PCDHGA4: variants seen among roughly 807,000 people sequenced by gnomAD.
The protein encoded by PCDHGA4 is protocadherin gamma subfamily A, 4.
A neutral mutation model predicts 54.6 loss-of-function variants in PCDHGA4; 38 were observed. The observed-to-expected ratio is 0.70, with a 90% CI of 0.54 to 0.91. The LOEUF (loss-of-function observed/expected upper bound fraction) is 0.91, where lower values mean the gene tolerates loss of function less well. Ranked by LOEUF, PCDHGA4 falls within the 40% of genes least tolerant of loss-of-function variation. The pLI, the probability that PCDHGA4 is intolerant of heterozygous loss-of-function variation, is 0.00. For synonymous variants in PCDHGA4, 511 were observed against 512.9 expected, an observed-to-expected ratio of 1.00 and a Z score of 0.05; for missense variants, 1,298 against 1,220.9, an observed-to-expected ratio of 1.06 and a Z score of -0.94.
intron 1 of PCDHGA4, chr5:141,420,193 A>G: frequency 6.2e-7 from 1 of 1,613,766 alleles, no homozygotes; most frequent in South Asian, 1.1e-5. Context: ...CAGCCACACA[A>G]GATAACCTCA....
intron 1 of PCDHGA4, chr5:141,404,380 C>T (rs777340976): frequency 1.9e-6 from 3 of 1,613,916 alleles, no homozygotes; most frequent in Non-Finnish European, 2.5e-6. Context: ...CCGTGATTGC[C>T]TATGACCCTG....
intron 1 of PCDHGA4, chr5:141,398,815 A>G (rs1369560562): frequency 6.2e-7 from 1 of 1,613,870 alleles, no homozygotes; most frequent in East Asian, 2.2e-5. Context: ...TGAGCTCCGG[A>G]TCCAGGTAAC....
chr5:141,372,087 C>G, intron 1 of PCDHGA4: 2 of 1,613,740 alleles, frequency 1.2e-6, no homozygotes, highest in Non-Finnish European at 1.7e-6. Flanking sequence ...GGTGCTGTAC[C>G]CAGCTCTGGG....
Position 141,511,381 on chromosome 5 carries a change from G to C in PCDHGA4, c.*208G>C. 8.5e-7 allele frequency: 1 copy of C among 1,170,380 alleles called. No individual in the cohort carries two copies. Among genetic ancestry groups the C allele is most frequent in the Non-Finnish European group, 1.2e-6 (1 of 854,768 alleles). 72.5% of individuals were successfully genotyped at this position (1,170,380 alleles called of 1,614,324 possible). On this transcript the variant is annotated 3_prime_UTR_variant, in exon 4 of 4. Coordinates refer to ENST00000571252, the MANE Select transcript of PCDHGA4 (RefSeq NM_018917.4). The stretch of plus-strand genomic sequence containing the variant: ...GGGTTGAATATGCAAAAGCAGTTCC[G>C]CTGGGAACCCCCATCCAATCAACTG...
intron 1 of PCDHGA4, chr5:141,416,673 C>A (rs1259750007): frequency 6.6e-6 from 1 of 151,958 alleles, no homozygotes; most frequent in Non-Finnish European, 1.5e-5. Flanking sequence ...ATATATGCAA[C>A]GAAGGGAAAT....
intron 1 of PCDHGA4, chr5:141,370,440 A>G (rs1390213172): frequency 6.2e-7 from 1 of 1,605,404 alleles, no homozygotes; most frequent in Non-Finnish European, 8.5e-7. Flanking sequence ...GCAGAGGCGA[A>G]TGCTATTTCT....
chr5:141,418,867 A>T, intron 1 of PCDHGA4: 1 of 1,613,968 alleles, frequency 6.2e-7, no homozygotes, highest in Non-Finnish European at 8.5e-7. Context: ...TAATTGTAGA[A>T]GTTGTAGACG....
At chr5:141,464,327 C>G (rs893319708) in intron 1 of PCDHGA4, among the ~76,000 whole-genome samples, 15 of 150,890 alleles carry the variant, frequency 9.9e-5, no homozygotes, top group African/African-American at 3.7e-4. Flanking sequence ...TCTGTTCAAC[C>G]CATCTATGAC....
chr5:141,430,380 T>TG (rs1376875091), intron 1 of PCDHGA4, among the ~76,000 whole-genome samples: 2 of 147,890 alleles, frequency 1.4e-5, no homozygotes, highest in African/African-American at 5.0e-5. Context: ...AAAAGCTCAT[T>TG]GGGAAAAAAA....
rs150714552 is a variant in PCDHGA4, at chr5:141,473,285, G to A, written c.2515-21522G>A. On this transcript the variant is annotated intron_variant, in intron 1 of 3. Transcript: ENST00000571252. ...GTGTATGCTATGATTATTTTACTATGTCAGTAGCATAAAGATTGCTATATT... is the reference window on the plus strand; with the variant it reads ...GTGTATGCTATGATTATTTTACTATATCAGTAGCATAAAGATTGCTATATT... 3.9e-3 allele frequency among the ~76,000 whole-genome samples: 590 copies of A among 152,296 alleles called. 6 individuals are homozygous for A. Among genetic ancestry groups the A allele is most frequent in the Admixed American group, 0.011 (170 of 15,296 alleles).
At chr5:141,467,008 AT>A (rs1165146249) in intron 1 of PCDHGA4, among the ~76,000 whole-genome samples, 2 of 150,270 alleles carry the variant, frequency 1.3e-5, no homozygotes, top group Non-Finnish European at 3.0e-5. Context: ...TTGCAATGCA[AT>A]TTTTTTCCCT....
intron 2 of PCDHGA4, among the ~76,000 whole-genome samples, chr5:141,495,430 C>A (rs1189953474): frequency 6.6e-6 from 1 of 152,220 alleles, no homozygotes; most frequent in Non-Finnish European, 1.5e-5. Context: ...TCCCACTGTC[C>A]TCTGCCCCTA....
At position 141,431,119 on chromosome 5, in the gene PCDHGA4, A is replaced by C. The variant is rs147514897; in HGVS notation, c.2515-63688A>C. 1.2e-6 allele frequency: 2 copies of C among 1,614,134 alleles called. No individual in the cohort carries two copies. The highest frequency in any genetic ancestry group is 2.7e-5 in the African/African-American group (2 of 74,956). ...ATAAAGTGAAAATATATGGAGTAGA[A>C]GTAGAAGTAAGGGACATTAACGACA... On this transcript the variant is annotated intron_variant, in intron 1 of 3. Coordinates refer to ENST00000571252, the MANE Select transcript of PCDHGA4 (RefSeq NM_018917.4). The surrounding 1 kb of genome is among the most constrained non-coding windows in gnomAD (Gnocchi z 4.8).
intron 1 of PCDHGA4, chr5:141,374,774 A>G: frequency 6.2e-7 from 1 of 1,613,822 alleles, no homozygotes; most frequent in Non-Finnish European, 8.5e-7. Context: ...AATTCTGGTA[A>G]CAGTTCTAGA....
At chr5:141,372,146 T>A (rs371379465) in intron 1 of PCDHGA4, 1 of 1,613,620 alleles carries the variant, frequency 6.2e-7, no homozygotes, top group Non-Finnish European at 8.5e-7. Context: ...CTGCAGAGCC[T>A]GGCTACCTGG....
rs1760455892 is a variant in PCDHGA4 at position 141,357,080 on chromosome 5, G to A, written c.1973G>A (p.Arg658His). The A allele has an allele frequency of 3.1e-6, 5 of 1,613,806 alleles. No homozygotes were observed. In the African/African-American group the frequency reaches 4.0e-5, roughly 13 times the overall value. The change falls in exon 1 of 4, where the codon CGC (arginine) becomes CAC (histidine). Residue 658 changes from arginine (R) to histidine (H), a missense_variant. Arg to His is a conservative substitution (Grantham distance 29, BLOSUM62 0). Transcript: ENST00000571252. ...FAVGLHTGEV[R>H]TARALLDRDA... ...GTGGGGCTGCACACAGGCGAGGTGC[G>A]CACCGCACGGGCCCTGCTGGACAGA...
At chr5:141,483,797 G>GCTGCTTTT (rs1255394691) in intron 1 of PCDHGA4, among the ~76,000 whole-genome samples, 3 of 152,174 alleles carry the variant, frequency 2.0e-5, no homozygotes, top group Non-Finnish European at 4.4e-5. Context: ...TCCAGTTGTT[G>GCTGCTTTT]CTGCTTTTTT....
At position 141,490,852 on chromosome 5, in the gene PCDHGA4, G is replaced by A. The variant is rs759198428; in HGVS notation, c.2515-3955G>A. 2 of 1,613,896 alleles carry A rather than the reference G, an allele frequency of 1.2e-6. No individual in the cohort carries two copies. Among genetic ancestry groups the A allele is most frequent in the Non-Finnish European group, 1.7e-6 (2 of 1,179,928 alleles). ...GCTGCAGATTGTGGTGGGGGTTCGA[G>A]ACTCCGGCTCTCCCCCATTGCATGC... On this transcript the variant is annotated intron_variant, in intron 1 of 3. Transcript: ENST00000571252. The surrounding 1 kb of genome is among the most constrained non-coding windows in gnomAD (Gnocchi z 5.4).
Position 141,489,316 on chromosome 5 carries a change from T to C in PCDHGA4, c.2515-5491T>C, listed in dbSNP as rs2099685399. On this transcript the variant is annotated intron_variant, in intron 1 of 3. Transcript: ENST00000571252. This position sits in a 1 kb window ranked among gnomAD's most constrained non-coding sequence, Gnocchi z 4.5. The stretch of plus-strand genomic sequence containing the variant: ...CATGTTGTCCTTGTGCTGCTGGGGC[T>C]GGGTGTCTGGGCAGCTTCGTTACTC... The C allele has an allele frequency of 1.3e-6, 2 of 1,597,946 alleles. No individual in the cohort carries two copies. Among genetic ancestry groups the C allele is most frequent in the Admixed American group, 1.7e-5 (1 of 58,864 alleles).
Sources: gnomAD v4.1 joint callset for allele counts (sites outside exome capture counted in the v4.1 genomes callset) on GRCh38, gnomAD v4.1.1 for gene constraint, Gnocchi (gnomAD v3.1) non-coding constraint, MANE v1.5 for transcripts, NCBI Gene and HGNC (gene_info 2026-07-23, HGNC 2026-07-21) for gene names.